Variants in CERS1 observed in about 807,000 individuals in gnomAD.
CERS1 encodes ceramide synthase 1, also known as Embryonic growth/differentiation factor 1.
Under a neutral mutation model 35.7 loss-of-function variants are expected in CERS1, and 16 were observed. The ratio of observed to expected loss-of-function variants is 0.45; its 90% CI spans 0.30 to 0.68. CERS1 has a LOEUF of 0.68. Ranked by LOEUF, CERS1 falls within the 30% of genes least tolerant of loss-of-function variation. The pLI, the probability that CERS1 is intolerant of heterozygous loss-of-function variation, is 0.08. For synonymous variants in CERS1, 243 were observed against 201.6 expected, an observed-to-expected ratio of 1.21 and a Z score of -1.74; for missense variants, 454 against 453.9, an observed-to-expected ratio of 1.00 and a Z score of 0.00.
chr19:18,893,710 C>T, intron 1 of CERS1, 135 bp from the exon 2 acceptor site: 2 of 867,052 alleles, frequency 2.3e-6, no homozygotes, highest in Admixed American at 2.7e-5. Context: ...TGCCCACAGC[C>T]ACCTGGAGCA....
Position 18,879,323 on chromosome 19 carries a change from C to G in CERS1, c.818G>C (p.Arg273Pro), listed in dbSNP as rs775672669. 23 of 1,609,284 alleles carry G rather than the reference C, an allele frequency of 1.4e-5. No individual in the cohort carries two copies. Among genetic ancestry groups the G allele is most frequent in the Admixed American group, 1.7e-5 (1 of 59,128 alleles). ...GTAGAAGGGGATGTCAGGCACCGTG[C>G]GCAGACTGCAGTGACTGGTGGCATA... Reference protein sequence around the residue: ...VLYATSHCSLRTVPDIPFYFF... With the variant: ...VLYATSHCSLPTVPDIPFYFF... The change falls in exon 5 of 8, where the codon CGC becomes CCC. Residue 273 changes from arginine (R) to proline (P), a missense_variant. Transcript: ENST00000623882.
intron 3 of CERS1, chr19:18,883,185 G>A (rs933237758): frequency 1.2e-4 from 18 of 152,204 alleles, no homozygotes; most frequent in African/African-American, 4.3e-4. Context: ...ATATTTGTGG[G>A]GCGTGGCTAC....
chr19:18,883,698 G>C (rs1304078833), intron 3 of CERS1, among the ~76,000 whole-genome samples: 3 of 152,186 alleles, frequency 2.0e-5, no homozygotes, highest in Non-Finnish European at 4.4e-5. Flanking sequence ...AGAACATCAG[G>C]GTGTGTCAGC....
rs1907778113 is a variant in CERS1 at position 18,874,995 on chromosome 19, G to C, written c.1010+3935C>G. ...CATGCCTGTAATGCCAGCACTTTGG[G>C]AGGCTGAGGTGGGAGGATTGCTTGA... is the stretch of plus-strand genomic sequence containing the variant. On this transcript the variant is annotated intron_variant, in intron 6 of 7. Transcript: ENST00000623882. Among the ~76,000 whole-genome samples the C allele has an allele frequency of 2.6e-5, 4 of 152,210 alleles. No homozygotes were observed. The South Asian group carries it at 8.3e-4, about 31-fold the overall frequency.
At position 18,870,933 on chromosome 19, in the gene CERS1, C is replaced by G. The variant is rs1011941440; in HGVS notation, c.1011-314G>C. ...CCAGGCCGCTGGAGGGCAAAACCCA[C>G]GTACCGGCCTGGGCCTGACAACTCC... On this transcript the variant is annotated intron_variant, in intron 6 of 7. Coordinates refer to ENST00000623882, the MANE Select transcript of CERS1 (RefSeq NM_021267.5). This position sits in a 1 kb window ranked among gnomAD's most constrained non-coding sequence, Gnocchi z 5.1. Among the ~76,000 whole-genome samples the G allele has an allele frequency of 6.6e-6, 1 of 152,166 alleles. No individual in the cohort carries two copies. The highest frequency in any genetic ancestry group is 1.5e-5 in the Non-Finnish European group (1 of 68,024).
rs765067887 is a variant in CERS1 at position 18,878,060 on chromosome 19, G to A, written c.1010+870C>T. ...TAAATGTCTGCATCTCGCACCTCCC[G>A]TTCCAAAAAACGTCACGGAGCTCTG... is the stretch of plus-strand genomic sequence containing the variant. On this transcript the variant is annotated intron_variant, in intron 6 of 7. Transcript: ENST00000623882. This position sits in a 1 kb window ranked among gnomAD's most constrained non-coding sequence, Gnocchi z 4.6. The A allele has an allele frequency of 5.1e-6, 5 of 985,384 alleles. No individual in the cohort carries two copies. The highest frequency in any genetic ancestry group is 4.8e-6 in the Non-Finnish European group (4 of 829,944). The allele number at this position is 985,384 out of a possible 1,614,324, so 61.0% of individuals were successfully genotyped here. A position where few individuals can be genotyped will look rare whatever the true frequency, so the allele number is the denominator to read the frequency against.
intron 2 of CERS1, among the ~76,000 whole-genome samples, chr19:18,885,509 T>G (rs1306224509): frequency 2.7e-5 from 1 of 36,762 alleles, no homozygotes; most frequent in Non-Finnish European, 7.3e-5. Flanking sequence ...GCGCCCCTTC[T>G]CGTTTTTTTT....
chr19:18,890,797 A>AAG (rs2056471333), intron 2 of CERS1, among the ~76,000 whole-genome samples: 1 of 150,124 alleles, frequency 6.7e-6, no homozygotes, highest in Non-Finnish European at 1.5e-5. Context: ...AAAAAAAAAA[A>AAG]AAAAAAGCAG....
In CERS1 at chr19:18,886,276, G is replaced by A. The variant is rs188827722; in HGVS notation, c.410-2009C>T. Among the ~76,000 whole-genome samples the A allele has an allele frequency of 7.1e-3, 1,075 of 152,096 alleles. 7 individuals are homozygous for A. The highest frequency in any genetic ancestry group is 0.024 in the Middle Eastern group (7 of 294). ...ATATAAAAATTAGCTGGGGCCGGGC[G>A]CAGTGGCTCACGCCTGTAATCCCAG... On this transcript the variant is annotated intron_variant, in intron 2 of 7. Transcript: ENST00000623882.
Position 18,870,194 on chromosome 19 carries a change from G to C in CERS1, c.*383C>G. 6.4e-7 allele frequency: 1 copy of C among 1,560,850 alleles called. No homozygotes were observed. The highest frequency in any genetic ancestry group is 1.2e-5 in the South Asian group (1 of 85,092). On this transcript the variant is annotated 3_prime_UTR_variant, in exon 7 of 8. Transcript: ENST00000623882. The surrounding 1 kb of genome is among the most constrained non-coding windows in gnomAD (Gnocchi z 5.1). ...CGCGCAGTCCTAGAGCCTGGAGCAGGGCGGCGGCTGGGCCTGGGGGCACGG... is the reference window on the plus strand; with the variant it reads ...CGCGCAGTCCTAGAGCCTGGAGCAGCGCGGCGGCTGGGCCTGGGGGCACGG...
intron 3 of CERS1, chr19:18,881,762 T>C (rs2056215541): frequency 7.1e-6 from 1 of 140,730 alleles, no homozygotes; most frequent in Non-Finnish European, 1.5e-5. Flanking sequence ...TTCACTCCTT[T>C]CAGTCTCTGC....
At chr19:18,883,988 G>T in intron 3 of CERS1, 99 bp downstream of exon 3, 1 of 1,306,936 alleles carries the variant, frequency 7.7e-7, no homozygotes, top group Non-Finnish European at 1.0e-6. Flanking sequence ...GACCTGATGT[G>T]ATCCCCTCCA....
Position 18,869,186 on chromosome 19 carries a change from T to G in CERS1, c.*799A>C. On this transcript the variant is annotated 3_prime_UTR_variant, in exon 8 of 8. Transcript: ENST00000623882. ...CTGGCGGAGCAGCACCGGCCCGGGG[T>G]CCGCGCCCGCGCCCTGGCCCGCTTG... 8.5e-7 allele frequency: 1 copy of G among 1,173,868 alleles called. No homozygotes were observed. The highest frequency in any genetic ancestry group is 1.1e-6 in the Non-Finnish European group (1 of 952,338). 72.7% of individuals were successfully genotyped at this position (1,173,868 alleles called of 1,614,324 possible).
intron 1 of CERS1, among the ~76,000 whole-genome samples, chr19:18,894,870 C>T (rs1185860244): frequency 6.6e-6 from 1 of 152,178 alleles, no homozygotes; most frequent in Admixed American, 6.5e-5. Flanking sequence ...GGCACATTGT[C>T]CCTGCACCCT....
rs1301159117 is a variant in CERS1, at chr19:18,868,845, A to T, written c.*1140T>A. The T allele has an allele frequency of 4.1e-6, 6 of 1,449,992 alleles. No individual in the cohort carries two copies. Among genetic ancestry groups the T allele is most frequent in the South Asian group, 1.2e-5 (1 of 81,224 alleles). The allele number at this position is 1,449,992 out of a possible 1,614,324, so 89.8% of individuals were successfully genotyped here. Reference sequence around the variant, plus strand: ...TGACCCTGGCAGTAGTTGGCCAGGAAGCCGCGCGGCGCGATGACCCAGCGG... The same window carrying T: ...TGACCCTGGCAGTAGTTGGCCAGGATGCCGCGCGGCGCGATGACCCAGCGG... On this transcript the variant is annotated 3_prime_UTR_variant, in exon 8 of 8. Transcript: ENST00000623882.
chr19:18,883,284 C>T (rs1353980181), intron 3 of CERS1: 2 of 152,106 alleles, frequency 1.3e-5, no homozygotes, highest in Admixed American at 6.6e-5. Flanking sequence ...CCACATTTAA[C>T]AAGAAAGAGA....
At chr19:18,876,603 T>C (rs1276361491) in intron 6 of CERS1, among the ~76,000 whole-genome samples, 1 of 151,366 alleles carries the variant, frequency 6.6e-6, no homozygotes, top group Non-Finnish European at 1.5e-5. Flanking sequence ...CAGGCTGGTC[T>C]TGAACACCTG....
intron 2 of CERS1, among the ~76,000 whole-genome samples, chr19:18,884,709 C>CTT (rs36074874): frequency 0.41 from 28,265 of 69,074 alleles, 7,438 homozygotes; most frequent in South Asian, 0.52. Flanking sequence ...GCCCAGCCGT[C>CTT]TTTTTTTTTT....
chr19:18,886,091 G>GGGATTACAGGGC (rs2056350228), intron 2 of CERS1, among the ~76,000 whole-genome samples: 2 of 152,064 alleles, frequency 1.3e-5, no homozygotes, highest in African/African-American at 4.8e-5. Context: ...ATCCCCAGAG[G>GGGATTACAGGGC]CTGCCAGACA....
Sources: gnomAD v4.1 joint callset for allele counts (sites outside exome capture counted in the v4.1 genomes callset) on GRCh38, gnomAD v4.1.1 for gene constraint, Gnocchi (gnomAD v3.1) non-coding constraint, MANE v1.5 for transcripts, NCBI Gene and HGNC (gene_info 2026-07-23, HGNC 2026-07-21) for gene names.